MORC1: variants seen among roughly 807,000 people sequenced by gnomAD.
MORC1 encodes MORC family CW-type zinc finger protein 1.
Under a neutral mutation model 134.9 loss-of-function variants are expected in MORC1, and 59 were observed. The ratio of observed to expected loss-of-function variants is 0.44; its 90% confidence interval spans 0.35 to 0.54. The LOEUF (loss-of-function observed/expected upper bound fraction) is 0.54, where lower values mean the gene tolerates loss of function less well. Among genes scored for constraint, MORC1 ranks in the 20% least tolerant of loss-of-function variants. MORC1 has a pLI of 0.00. For missense variants in MORC1, 947 were observed against 1,134.5 expected (o/e 0.83, Z 2.37); for synonymous variants, 395 against 391.7 (o/e 1.01, Z -0.10).
intron 20 of MORC1, among the ~76,000 whole-genome samples, chr3:109,003,167 C>CTAGACTG: frequency 6.6e-6 from 1 of 152,036 alleles, no homozygotes; most frequent in African/African-American, 2.4e-5. Flanking sequence ...GTCTCTATCA[C>CTAGACTG]TAGACTGTAA....
At chr3:109,023,405 A>G (rs866132425) in intron 17 of MORC1, among the ~76,000 whole-genome samples, 14 of 152,260 alleles carry the variant, frequency 9.2e-5, no homozygotes, top group Admixed American at 8.5e-4. Context: ...TAGGGGACAC[A>G]TAAGCAATTC....
intron 14 of MORC1, among the ~76,000 whole-genome samples, chr3:109,043,497 T>G (rs958831583): frequency 6.6e-6 from 1 of 152,132 alleles, no homozygotes; most frequent in Non-Finnish European, 1.5e-5. Context: ...TAGTGACAGT[T>G]GTACAGCATT....
chr3:109,022,621 T>C (rs1319537654), intron 17 of MORC1, among the ~76,000 whole-genome samples: 4 of 152,246 alleles, frequency 2.6e-5, no homozygotes, highest in Non-Finnish European at 5.9e-5. Flanking sequence ...CCAATCCAAA[T>C]ACAACAGTTT....
At chr3:109,071,807 G>A (rs1009853721) in intron 8 of MORC1, among the ~76,000 whole-genome samples, 8 of 152,152 alleles carry the variant, frequency 5.3e-5, no homozygotes, top group African/African-American at 1.7e-4. Flanking sequence ...AGTCCCAGAA[G>A]GAGAGGAGGT....
At chr3:109,051,026 T>C (rs1218245349) in intron 14 of MORC1, among the ~76,000 whole-genome samples, 3 of 152,220 alleles carry the variant, frequency 2.0e-5, no homozygotes, top group African/African-American at 7.2e-5. Flanking sequence ...TTTTTATTTA[T>C]CCTTCTCTCC....
chr3:109,020,271 G>A (rs904259734), intron 17 of MORC1, among the ~76,000 whole-genome samples: 4 of 152,150 alleles, frequency 2.6e-5, no homozygotes, highest in African/African-American at 7.2e-5. Context: ...CTACAAGGGG[G>A]GTCCCGCCAA....
intron 17 of MORC1, chr3:109,019,226 G>C (rs930065149): frequency 4.6e-5 from 7 of 152,218 alleles, no homozygotes; most frequent in Non-Finnish European, 8.8e-5. Context: ...CTGAAGGCAG[G>C]GATCCTAACG....
intron 6 of MORC1, among the ~76,000 whole-genome samples, chr3:109,095,953 G>T (rs1950824178): frequency 6.6e-6 from 1 of 152,118 alleles, no homozygotes; most frequent in African/African-American, 2.4e-5. Flanking sequence ...GTATTCAGGA[G>T]TAACGGCCAT....
At chr3:109,112,988 G>A (rs1292227004) in intron 2 of MORC1, among the ~76,000 whole-genome samples, 1 of 152,176 alleles carries the variant, frequency 6.6e-6, no homozygotes, top group African/African-American at 2.4e-5. Context: ...TCCACATTCT[G>A]ATTTTACTTG....
intron 10 of MORC1, 47 bp from the exon 11 acceptor site, chr3:109,062,105 G>T: frequency 1.3e-6 from 2 of 1,541,668 alleles, no homozygotes; most frequent in African/African-American, 1.4e-5. Flanking sequence ...ATTATTTCAA[G>T]CAATTTTAAG....
chr3:109,000,645 TC>T lies in MORC1; in HGVS notation c.2098del (p.Glu700LysfsTer2). 2 of 1,609,606 alleles carry T rather than the reference TC, an allele frequency of 1.2e-6. No homozygotes were observed. The highest frequency in any genetic ancestry group is 1.7e-6 in the Non-Finnish European group (2 of 1,178,406). ...CLKNAQAASW[E>X]MKRKQSLNFV... ...GTTCAGACTCTGCTTCCTTTTCATTTCCCAAGAAGCGGCCTATAACAAGGAA... is the reference window on the plus strand; with the variant it reads ...GTTCAGACTCTGCTTCCTTTTCATTTCCAAGAAGCGGCCTATAACAAGGAA... On this transcript the variant is annotated frameshift_variant, in exon 21 of 28. Transcript: ENST00000232603. LOFTEE classifies it high-confidence loss of function.
intron 14 of MORC1, among the ~76,000 whole-genome samples, chr3:109,040,953 GAA>G (rs1292798576): frequency 6.6e-6 from 1 of 151,508 alleles, no homozygotes; most frequent in Non-Finnish European, 1.5e-5. Flanking sequence ...TTATGGAGCT[GAA>G]AAAATACTGT....
At chr3:109,089,847 A>AT (rs1387398722) in intron 8 of MORC1, among the ~76,000 whole-genome samples, 1 of 151,878 alleles carries the variant, frequency 6.6e-6, no homozygotes, top group Non-Finnish European at 1.5e-5. Flanking sequence ...TTTTCTTTTG[A>AT]TTTTTTACAA....
chr3:108,967,688 G>A (rs978357096), intron 26 of MORC1, among the ~76,000 whole-genome samples: 4 of 152,202 alleles, frequency 2.6e-5, no homozygotes, highest in Middle Eastern at 3.4e-3. Flanking sequence ...TTCAAGTCTG[G>A]ATGAGACTAA....
chr3:108,992,348 A>T (rs1948087458), intron 21 of MORC1, among the ~76,000 whole-genome samples: 1 of 152,176 alleles, frequency 6.6e-6, no homozygotes, highest in South Asian at 2.1e-4. Flanking sequence ...TTTTAAAGAC[A>T]AGTATACATC....
At chr3:108,974,590 A>G (rs1473045485) in intron 24 of MORC1, among the ~76,000 whole-genome samples, 2 of 152,202 alleles carry the variant, frequency 1.3e-5, no homozygotes, top group African/African-American at 4.8e-5. Context: ...TTCATTCACT[A>G]GTATCCACTG....
intron 14 of MORC1, among the ~76,000 whole-genome samples, chr3:109,036,292 CAA>C (rs1328130530): frequency 1.1e-3 from 161 of 152,064 alleles, no homozygotes; most frequent in African/African-American, 3.7e-3. Context: ...ATATATATAT[CAA>C]AGAGTATCCC....
chr3:109,100,309 T>C, intron 5 of MORC1, 108 bp downstream of exon 5: 1 of 892,338 alleles, frequency 1.1e-6, no homozygotes, highest in Non-Finnish European at 1.8e-6. Context: ...GCCTCAAGTT[T>C]ATATATTTTT....
chr3:109,006,042 T>C (rs147847107), intron 18 of MORC1, among the ~76,000 whole-genome samples: 2 of 152,350 alleles, frequency 1.3e-5, no homozygotes, highest in Non-Finnish European at 2.9e-5. Context: ...GACAATGTTA[T>C]TATTACAGAG....
Sources: gnomAD v4.1 joint callset for allele counts (sites outside exome capture counted in the v4.1 genomes callset) on GRCh38, gnomAD v4.1.1 for gene constraint, MANE v1.5 for transcripts, NCBI Gene and HGNC (gene_info 2026-07-23, HGNC 2026-07-21) for gene names.